The following CEACAM7 variants were observed in gnomAD, a reference collection of about 807,000 sequenced individuals.
CEACAM7 encodes the protein cell adhesion molecule CEACAM7.
In CEACAM7, 24 loss-of-function variants were observed where a neutral mutation model predicts 25.7. The ratio of observed to expected loss-of-function variants is 0.93; its 90% CI spans 0.68 to 1.31. The LOEUF (loss-of-function observed/expected upper bound fraction) is 1.31. Ranked by LOEUF, CEACAM7 falls within the 40% of genes most tolerant of loss-of-function variation. The pLI, the probability that CEACAM7 is intolerant of heterozygous loss-of-function variation, is 0.00. For missense variants in CEACAM7, 324 were observed against 330.1 expected (o/e 0.98, Z 0.14); for synonymous variants, 144 against 129.4 (o/e 1.11, Z -0.77).
chr19:41,677,588 G>A (rs764412084), intron 3 of CEACAM7, 85 bp from the exon 4 acceptor site: 38 of 896,978 alleles, frequency 4.2e-5, no homozygotes, highest in Middle Eastern at 2.2e-4. Context: ...GCATGAAGTC[G>A]TTTCTATTTG....
Position 41,686,845 on chromosome 19 carries a change from G to T in CEACAM7, c.427+14C>A, listed in dbSNP as rs11669703. On this transcript the variant is annotated intron_variant, in intron 2 of 4. Coordinates refer to ENST00000401731, the MANE Select transcript of CEACAM7 (RefSeq NM_001291485.2). ...TGGCCCCCAGCACCCAGAAGTCATG[G>T]AGGTATCACTCACAGAATACGTAGA... 17 of 1,521,354 alleles carry T rather than the reference G, an allele frequency of 1.1e-5. No homozygotes were observed. In the African/African-American group the frequency reaches 2.2e-4, roughly 20 times the overall value. The allele number at this position is 1,521,354 out of a possible 1,614,324, so 94.2% of individuals were successfully genotyped here. A position where few individuals can be genotyped will look rare whatever the true frequency, so the allele number is the denominator to read the frequency against.
At chr19:41,684,651 G>A (rs782123513) in intron 2 of CEACAM7, among the ~76,000 whole-genome samples, 1 of 152,276 alleles carries the variant, frequency 6.6e-6, no homozygotes. Context: ...GCTAGTGACC[G>A]CCAGGAAAGT....
chr19:41,686,840 T>C lies in CEACAM7; in HGVS notation c.427+19A>G. 1 of 1,520,560 alleles carries C rather than the reference T, an allele frequency of 6.6e-7. No individual in the cohort carries two copies. The highest frequency in any genetic ancestry group is 1.4e-5 in the South Asian group (1 of 73,680). The allele number at this position is 1,520,560 out of a possible 1,614,324, so 94.2% of individuals were successfully genotyped here. On this transcript the variant is annotated intron_variant, in intron 2 of 4. Transcript: ENST00000401731. ...AGAACTGGCCCCCAGCACCCAGAAG[T>C]CATGGAGGTATCACTCACAGAATAC...
At position 41,688,267 on chromosome 19, in the gene CEACAM7, C is replaced by T; in HGVS notation, c.-102G>A. 6.8e-7 allele frequency: 1 copy of T among 1,478,900 alleles called. No individual in the cohort carries two copies. The highest frequency in any genetic ancestry group is 9.0e-7 in the Non-Finnish European group (1 of 1,110,984). 91.6% of individuals were successfully genotyped at this position (1,478,900 alleles called of 1,614,324 possible). ...GTCAGCTCTGCTGTCCTTCCTACCT[C>T]TGTGCTGAGCCTCCTCCCAGGGCAG... is the stretch of plus-strand genomic sequence containing the variant. On this transcript the variant is annotated 5_prime_UTR_variant, in exon 1 of 5. Coordinates refer to ENST00000401731, the MANE Select transcript of CEACAM7 (RefSeq NM_001291485.2).
Position 41,688,003 on chromosome 19 carries a change from A to G in CEACAM7, c.64+99T>C, listed in dbSNP as rs928341015. The G allele has an allele frequency of 7.1e-6, 7 of 989,716 alleles. No individual in the cohort carries two copies. The Admixed American group carries it at 1.3e-4, about 19-fold the overall frequency. The allele number at this position is 989,716 out of a possible 1,614,324, so 61.3% of individuals were successfully genotyped here. ...GTCCTCTCCCAAAGGACTTCAACAG[A>G]AGCCCTTTGTCCCCTCTCAGAGCCC... is the stretch of plus-strand genomic sequence containing the variant. On this transcript the variant is annotated intron_variant, in intron 1 of 4. Transcript: ENST00000401731.
intron 3 of CEACAM7, among the ~76,000 whole-genome samples, chr19:41,682,055 C>T (rs550220921): frequency 6.6e-6 from 1 of 152,174 alleles, no homozygotes; most frequent in African/African-American, 2.4e-5. Flanking sequence ...AAGTGGTCCT[C>T]CCGCCTCAGC....
At chr19:41,680,861 C>T (rs1555810614) in intron 3 of CEACAM7, among the ~76,000 whole-genome samples, 1 of 151,594 alleles carries the variant, frequency 6.6e-6, no homozygotes, top group African/African-American at 2.4e-5. Context: ...TTGGATTTCA[C>T]AATGATTTCT....
chr19:41,683,790 A>G lies in CEACAM7; in HGVS notation c.701T>C (p.Val234Ala), dbSNP rs2072198530. The G allele has an allele frequency of 1.2e-6, 2 of 1,613,994 alleles. No individual in the cohort carries two copies. The highest frequency in any genetic ancestry group is 1.7e-6 in the Non-Finnish European group (2 of 1,179,898). ...ASRSDPVTLN[V>A]RYESVQASSP... ...GAGGAACAGAAGATACTCACAGCGGACATTCAGGGTGACTGGGTCACTGCG... is the reference window on the plus strand; with the variant it reads ...GAGGAACAGAAGATACTCACAGCGGGCATTCAGGGTGACTGGGTCACTGCG... The change falls in exon 3 of 5, where the codon GTC becomes GCC. Residue 234 changes from valine to alanine, a missense_variant. Val to Ala is a moderately conservative substitution (Grantham distance 64). Coordinates refer to ENST00000401731, the MANE Select transcript of CEACAM7 (RefSeq NM_001291485.2).
chr19:41,686,812 A>G (rs1394505528), intron 2 of CEACAM7, 47 bp downstream of exon 2: 5 of 1,512,750 alleles, frequency 3.3e-6, no homozygotes, highest in African/African-American at 1.4e-5. Flanking sequence ...GTGTGTATGA[A>G]GTAGAACTGG....
chr19:41,687,340 TGTG>T, intron 1 of CEACAM7, 119 bp from the exon 2 acceptor site: 1 of 953,306 alleles, frequency 1.0e-6, no homozygotes, highest in African/African-American at 1.6e-5. Context: ...AGTGTGTGTG[TGTG>T]TGTGTGTGTC....
chr19:41,683,037 T>C (rs548089885), intron 3 of CEACAM7, among the ~76,000 whole-genome samples: 1 of 152,290 alleles, frequency 6.6e-6, no homozygotes, highest in East Asian at 1.9e-4. Context: ...GATCTGCTTG[T>C]GCCCATGGGA....
At chr19:41,687,336 T>TGC in intron 1 of CEACAM7, 115 bp from the exon 2 acceptor site, 1 of 799,418 alleles carries the variant, frequency 1.3e-6, no homozygotes, top group Non-Finnish European at 1.9e-6. Context: ...AGTAAGTGTG[T>TGC]GTGTGTGTGT....
In CEACAM7 at chr19:41,687,220, G is replaced by A. The variant is rs2072237425; in HGVS notation, c.66C>T (p.Ala22=). The A allele has an allele frequency of 6.3e-7, 1 of 1,591,256 alleles. No individual in the cohort carries two copies. Among genetic ancestry groups the A allele is most frequent in the Admixed American group, 1.8e-5 (1 of 56,684 alleles). Residue 22 remains alanine, a splice_region_variant and synonymous_variant, in exon 2 of 5, where the codon GCC becomes GCT. Transcript: ENST00000401731. ...CIPWQGLLLT[A]SLLTFWNLPN... ...GCAGGTTCCAGAAGGTTAAAAGCGA[G>A]GCTAGGAGGGGGAGAGAACATCAGT...
At chr19:41,687,292 C>A in intron 1 of CEACAM7, 71 bp from the exon 2 acceptor site, 2 of 1,491,200 alleles carry the variant, frequency 1.3e-6, no homozygotes, top group Non-Finnish European at 1.8e-6. Flanking sequence ...GGCCCTGGAT[C>A]CTGAGCAGGT....
intron 2 of CEACAM7, among the ~76,000 whole-genome samples, chr19:41,686,562 C>T (rs1555811198): frequency 6.6e-6 from 1 of 152,138 alleles, no homozygotes; most frequent in African/African-American, 2.4e-5. Flanking sequence ...CCCAGTTCTC[C>T]AGGGTCTTTT....
At chr19:41,686,021 T>C (rs1555811146) in intron 2 of CEACAM7, among the ~76,000 whole-genome samples, 1 of 152,156 alleles carries the variant, frequency 6.6e-6, no homozygotes, top group African/African-American at 2.4e-5. Flanking sequence ...TTGCTGTCTG[T>C]GAATTTACCT....
At position 41,673,594 on chromosome 19, in the gene CEACAM7, GA is replaced by G. The variant is rs1177629320; in HGVS notation, c.*1181del. On this transcript the variant is annotated 3_prime_UTR_variant, in exon 5 of 5. Transcript: ENST00000401731. Reference sequence around the variant, plus strand: ...TTTAGGAAAATTTTGTCTGTTCTGGGATCTACCTGCTTCCTCATGTTTCAGT... The same window carrying G: ...TTTAGGAAAATTTTGTCTGTTCTGGGTCTACCTGCTTCCTCATGTTTCAGT... 2.0e-5 allele frequency: 3 copies of G among 152,160 alleles called. No individual in the cohort carries two copies. Among genetic ancestry groups the G allele is most frequent in the Non-Finnish European group, 4.4e-5 (3 of 68,040 alleles). 9.4% of individuals were successfully genotyped at this position (152,160 alleles called of 1,614,324 possible). A position where few individuals can be genotyped will look rare whatever the true frequency, so the allele number is the denominator to read the frequency against.
chr19:41,675,813 G>A (rs1168216413), intron 4 of CEACAM7, among the ~76,000 whole-genome samples: 2 of 152,194 alleles, frequency 1.3e-5, no homozygotes, highest in African/African-American at 4.8e-5. Flanking sequence ...CACTATGACT[G>A]ACAAAATATT....
intron 2 of CEACAM7, 53 bp from the exon 3 acceptor site, chr19:41,684,116 C>A (rs1270849529): frequency 4.4e-6 from 7 of 1,584,004 alleles, no homozygotes; most frequent in Non-Finnish European, 6.0e-6. Context: ...TTGGTTCCCC[C>A]ACGGACATCT....
Sources: gnomAD v4.1 joint callset for allele counts (sites outside exome capture counted in the v4.1 genomes callset) on GRCh38, gnomAD v4.1.1 for gene constraint, MANE v1.5 for transcripts, NCBI Gene and HGNC (gene_info 2026-07-23, HGNC 2026-07-21) for gene names.